Variants in MBD5 observed in about 807,000 individuals in gnomAD.
The protein encoded by MBD5 is methyl-CpG binding domain protein 5, also known as methyl-CpG-binding domain protein 5.
In MBD5, 13 loss-of-function variants were observed where a neutral mutation model predicts 117.3. The observed-to-expected ratio is 0.11, with a 90% CI of 0.07 to 0.18. The LOEUF (loss-of-function observed/expected upper bound fraction) is 0.18. Ranked by LOEUF, MBD5 falls within the 10% of genes least tolerant of loss-of-function variation. The probability of loss-of-function intolerance (pLI) is 1.00; values close to 1 mark genes in which losing one functional copy is unlikely to be tolerated. For synonymous variants in MBD5, 727 were observed against 766.4 expected (o/e 0.95, Z 0.85); for missense variants, 1,879 against 2,093.8 (o/e 0.90, Z 2.00).
At chr2:148,048,682 C>G (rs1016424539) in intron 1 of MBD5, among the ~76,000 whole-genome samples, 2 of 152,068 alleles carry the variant, frequency 1.3e-5, no homozygotes, top group African/African-American at 4.8e-5. Flanking sequence ...GGTAACATGA[C>G]TTGTTCAGTA....
intron 4 of MBD5, among the ~76,000 whole-genome samples, chr2:148,399,154 A>G (rs570823443): frequency 1.3e-5 from 2 of 152,224 alleles, no homozygotes; most frequent in Non-Finnish European, 2.9e-5. Flanking sequence ...GTGGTTCCAT[A>G]TGAACTTTCA....
intron 4 of MBD5, among the ~76,000 whole-genome samples, chr2:148,401,814 C>T (rs886200032): frequency 6.6e-6 from 1 of 152,038 alleles, no homozygotes; most frequent in Admixed American, 6.6e-5. Context: ...ATCCAGGATC[C>T]CACGTTACAT....
At chr2:148,156,740 C>T (rs1697885881) in intron 1 of MBD5, among the ~76,000 whole-genome samples, 1 of 152,194 alleles carries the variant, frequency 6.6e-6, no homozygotes, top group South Asian at 2.1e-4. Context: ...TAATAGAAGG[C>T]TTGGTTAATT....
chr2:148,229,234 C>T (rs1402322473), intron 2 of MBD5, among the ~76,000 whole-genome samples: 9 of 151,542 alleles, frequency 5.9e-5, no homozygotes, highest in African/African-American at 1.7e-4. Flanking sequence ...TCTTCAAGCT[C>T]ATTAATTCTT....
rs1235835451 is a variant in MBD5, at chr2:148,483,323, C to T, written c.2732C>T (p.Pro911Leu). The change falls in exon 9 of 14, where the codon CCA becomes CTA. Residue 911 changes from proline to leucine, a missense_variant. Transcript: ENST00000642680. Reference sequence around the variant, plus strand: ...AACAGCACTTCAAACAACCATCTTCCACACCCCTTGAACCCCAGCCTCCTC... The same window carrying T: ...AACAGCACTTCAAACAACCATCTTCTACACCCCTTGAACCCCAGCCTCCTC... ...PSNSTSNNHL[P>L]HPLNPSLLSS... is the part of the protein sequence containing the mutation. 1 of 1,614,086 alleles carries T rather than the reference C, an allele frequency of 6.2e-7. No homozygotes were observed. The highest frequency in any genetic ancestry group is 1.1e-5 in the South Asian group (1 of 91,072).
chr2:148,308,487 C>CTTTTTTTTTTTTTTTTTT (rs1701948279), intron 3 of MBD5, among the ~76,000 whole-genome samples: 2 of 27,698 alleles, frequency 7.2e-5, no homozygotes, highest in Non-Finnish European at 9.6e-5. Flanking sequence ...TGATGGGGTT[C>CTTTTTTTTTTTTTTTTTT]TTTCTTTTTT....
At chr2:148,339,525 T>G (rs1702884952) in intron 3 of MBD5, among the ~76,000 whole-genome samples, 1 of 152,120 alleles carries the variant, frequency 6.6e-6, no homozygotes, top group South Asian at 2.1e-4. Context: ...AATGAACTCA[T>G]CTCTCATTTT....
At chr2:148,258,824 C>T (rs76498345) in intron 3 of MBD5, among the ~76,000 whole-genome samples, 2 of 152,116 alleles carry the variant, frequency 1.3e-5, no homozygotes, top group Admixed American at 1.3e-4. Context: ...CCCATGGGGG[C>T]CCCCCTGTGG....
At chr2:148,228,063 T>G (rs889356331) in intron 2 of MBD5, among the ~76,000 whole-genome samples, 59 of 152,312 alleles carry the variant, frequency 3.9e-4, no homozygotes, top group African/African-American at 1.4e-3. Context: ...CAAACAGGGA[T>G]GATTTGACTT....
intron 1 of MBD5, among the ~76,000 whole-genome samples, chr2:148,075,466 T>G (rs1695485476): frequency 6.6e-6 from 1 of 152,218 alleles, no homozygotes; most frequent in African/African-American, 2.4e-5. Flanking sequence ...TTATTAAAAC[T>G]TTTTTCATCC....
intron 4 of MBD5, among the ~76,000 whole-genome samples, chr2:148,355,121 TTG>T (rs1491260552): frequency 1.3e-4 from 18 of 143,148 alleles, no homozygotes; most frequent in South Asian, 2.4e-4. Flanking sequence ...ATGGGGTTGT[TTG>T]TTTTTTTTCT....
chr2:148,219,255 T>C (rs1056267164), intron 2 of MBD5, among the ~76,000 whole-genome samples: 1 of 152,146 alleles, frequency 6.6e-6, no homozygotes, highest in Non-Finnish European at 1.5e-5. Flanking sequence ...TCCACCTCCA[T>C]ATCTTGTCTC....
At chr2:148,493,098 G>C (rs1222719335) in intron 11 of MBD5, among the ~76,000 whole-genome samples, 1 of 152,188 alleles carries the variant, frequency 6.6e-6, no homozygotes, top group Non-Finnish European at 1.5e-5. Context: ...GTCTAAAGCA[G>C]AAAGGCAGAG....
chr2:148,268,597 C>T (rs552210626), intron 3 of MBD5, among the ~76,000 whole-genome samples: 67 of 150,994 alleles, frequency 4.4e-4, no homozygotes, highest in Non-Finnish European at 7.2e-4. Flanking sequence ...ATATCATGTT[C>T]TTATCTGGTT....
At chr2:148,221,374 C>T (rs1699682089) in intron 2 of MBD5, among the ~76,000 whole-genome samples, 1 of 152,094 alleles carries the variant, frequency 6.6e-6, no homozygotes, top group Non-Finnish European at 1.5e-5. Context: ...TAGTAATTTA[C>T]ATTCCTACCA....
At chr2:148,029,734 A>C (rs1289326496) in intron 1 of MBD5, among the ~76,000 whole-genome samples, 2 of 152,292 alleles carry the variant, frequency 1.3e-5, no homozygotes, top group Admixed American at 1.3e-4. Flanking sequence ...TTGCTATGTT[A>C]CATTGGTTTC....
chr2:148,504,416 A>G (rs1681966631), intron 12 of MBD5, among the ~76,000 whole-genome samples: 1 of 152,232 alleles, frequency 6.6e-6, no homozygotes, highest in Non-Finnish European at 1.5e-5. Flanking sequence ...GCGGACACTC[A>G]GACTCAAACA....
At chr2:148,045,012 T>C (rs1449383899) in intron 1 of MBD5, 1 of 152,190 alleles carries the variant, frequency 6.6e-6, no homozygotes, top group Non-Finnish European at 1.5e-5. Context: ...CCTTTGACTT[T>C]GTCCTCATGT....
chr2:148,227,471 A>T (rs763482457), intron 2 of MBD5, among the ~76,000 whole-genome samples: 45 of 152,046 alleles, frequency 3.0e-4, no homozygotes, highest in Non-Finnish European at 5.3e-4. Context: ...CCATTGGTCT[A>T]TATCTCTGTT....
Sources: allele counts gnomAD v4.1 joint callset (sites outside exome capture counted in the v4.1 genomes callset), GRCh38; gene constraint gnomAD v4.1.1; transcripts MANE v1.5; gene names NCBI Gene and HGNC (gene_info 2026-07-23, HGNC 2026-07-21).